KDM5A: variants seen among roughly 807,000 people sequenced by gnomAD.
The protein encoded by KDM5A is lysine-specific demethylase 5A.
Under a neutral mutation model 193.5 loss-of-function variants are expected in KDM5A, and 42 were observed. The observed-to-expected ratio is 0.22, with a 90% CI of 0.17 to 0.28. The LOEUF (loss-of-function observed/expected upper bound fraction) is 0.28, where lower values mean the gene tolerates loss of function less well. Ranked by LOEUF, KDM5A falls within the 10% of genes least tolerant of loss-of-function variation. The pLI is 1.00. For synonymous variants in KDM5A, 796 were observed against 718.1 expected (o/e 1.11, Z -1.73); for missense variants, 1,692 against 2,055.1 (o/e 0.82, Z 3.42).
At chr12:311,135 C>A in intron 20 of KDM5A, 71 bp from the exon 21 acceptor site, 1 of 1,383,144 alleles carries the variant, frequency 7.2e-7, no homozygotes, top group South Asian at 1.2e-5. Flanking sequence ...GTTGAAAGAC[C>A]TTACAAAGTT....
At position 308,014 on chromosome 12, in the gene KDM5A, G is replaced by A; in HGVS notation, c.3379-9C>T. 1 of 1,613,270 alleles carries A rather than the reference G, an allele frequency of 6.2e-7. No homozygotes were observed. Among genetic ancestry groups the A allele is most frequent in the East Asian group, 2.2e-5 (1 of 44,890 alleles). On this transcript the variant is annotated splice_polypyrimidine_tract_variant and intron_variant, in intron 22 of 27. Coordinates refer to ENST00000399788, the MANE Select transcript of KDM5A (RefSeq NM_001042603.3). ...TCTTTGAAAACTGCCACCTGTACAAGACAAACATTTAATTGAAAAGAGTCA... is the reference window on the plus strand; with the variant it reads ...TCTTTGAAAACTGCCACCTGTACAAAACAAACATTTAATTGAAAAGAGTCA...
At chr12:328,425 G>T (rs16929744) in intron 14 of KDM5A, among the ~76,000 whole-genome samples, 53,491 of 151,958 alleles carry the variant, frequency 0.35, 10,096 homozygotes, top group East Asian at 0.58. Flanking sequence ...CTTGGGGTTA[G>T]TCCATCCTTC....
At chr12:323,061 T>C (rs371422272) in intron 16 of KDM5A, 21 bp downstream of exon 16, 3 of 1,613,308 alleles carry the variant, frequency 1.9e-6, no homozygotes, top group African/African-American at 1.3e-5. Flanking sequence ...AGTATATGCA[T>C]ACAAAAGAAG....
intron 2 of KDM5A, among the ~76,000 whole-genome samples, chr12:385,507 C>T (rs1206981169): frequency 6.6e-6 from 1 of 151,884 alleles, no homozygotes; most frequent in South Asian, 2.1e-4. Flanking sequence ...AAAACCAAAA[C>T]CAAAACCAAA....
intron 24 of KDM5A, among the ~76,000 whole-genome samples, chr12:301,145 A>C (rs1943435985): frequency 6.6e-6 from 1 of 152,214 alleles, no homozygotes; most frequent in Non-Finnish European, 1.5e-5. Flanking sequence ...TCCAAACAAC[A>C]GAAAAAGAGG....
At chr12:324,026 G>C (rs1005009010) in intron 14 of KDM5A, among the ~76,000 whole-genome samples, 1 of 152,150 alleles carries the variant, frequency 6.6e-6, no homozygotes, top group African/African-American at 2.4e-5. Context: ...AGAAACATGG[G>C]CTGGGTGCAG....
At position 378,914 on chromosome 12, in the gene KDM5A, G is replaced by GTGC. The variant is rs576093392; in HGVS notation, c.366+5114_366+5116dup. Among the ~76,000 whole-genome samples, 282 of 149,094 alleles carry GTGC rather than the reference G, an allele frequency of 1.9e-3. 3 individuals are homozygous for GTGC. Among genetic ancestry groups the GTGC allele is most frequent in the African/African-American group, 6.9e-3 (277 of 40,170 alleles). On this transcript the variant is annotated intron_variant, in intron 3 of 27. Transcript: ENST00000399788. ...GCGGAGCTTAGAGTGAGCCAAAATCGTGCTGCTGCACTCCAGCCTGGGTGA... is the reference window on the plus strand; with the variant it reads ...GCGGAGCTTAGAGTGAGCCAAAATCGTGCTGCTGCTGCACTCCAGCCTGGGTGA...
At chr12:340,716 A>AAAAAAC (rs1943994442) in intron 10 of KDM5A, among the ~76,000 whole-genome samples, 2 of 150,542 alleles carry the variant, frequency 1.3e-5, no homozygotes, top group Admixed American at 6.6e-5. Flanking sequence ...AAAAAAAAAA[A>AAAAAAC]AAACCATTAG....
intron 22 of KDM5A, among the ~76,000 whole-genome samples, chr12:308,538 T>C (rs16929357): frequency 0.014 from 2,059 of 152,320 alleles, 49 homozygotes; most frequent in African/African-American, 0.046. Flanking sequence ...CCTCTTCATG[T>C]ATAAGTAGAA....
intron 27 of KDM5A, among the ~76,000 whole-genome samples, chr12:291,592 A>G (rs1943294848): frequency 6.6e-6 from 1 of 152,236 alleles, no homozygotes; most frequent in South Asian, 2.1e-4. Flanking sequence ...TATTTCATTG[A>G]AAAAGTGAGG....
chr12:350,839 C>T lies in KDM5A; in HGVS notation c.1150-60G>A. The T allele has an allele frequency of 2.1e-6, 3 of 1,419,178 alleles. No individual in the cohort carries two copies. In the East Asian group the frequency reaches 6.8e-5, roughly 32 times the overall value. 87.9% of individuals were successfully genotyped at this position (1,419,178 alleles called of 1,614,324 possible). The stretch of plus-strand genomic sequence containing the variant: ...ACCACTATAACTATAACCCATATAA[C>T]ATAATACACAGGATCAAGTAAACAC... On this transcript the variant is annotated intron_variant, in intron 9 of 27. Transcript: ENST00000399788.
intron 27 of KDM5A, chr12:286,278 G>T (rs1565521265): frequency 8.8e-6 from 4 of 452,112 alleles, no homozygotes; most frequent in Admixed American, 7.9e-5. Context: ...AAAGACACAG[G>T]TCAATAGATC....
At chr12:375,339 T>C (rs1351241531) in intron 3 of KDM5A, among the ~76,000 whole-genome samples, 1 of 152,244 alleles carries the variant, frequency 6.6e-6, no homozygotes, top group Non-Finnish European at 1.5e-5. Flanking sequence ...CAATCACTGA[T>C]ACCCTTTCTT....
rs564453092 is a variant in KDM5A at position 318,261 on chromosome 12, C to T, written c.2742G>A (p.Pro914=). 1.7e-5 allele frequency: 27 copies of T among 1,614,156 alleles called. 1 individual carries two copies. Among genetic ancestry groups the T allele is most frequent in the South Asian group, 1.3e-4 (12 of 91,078 alleles). ...TCATGACATCCAAAGTGACTTGTTG[C>T]GGATCTGATAAGGTCAGTCTTACTT... ...LDEVRLTLSD[P]QQVTLDVMKK... is the part of the protein sequence containing the mutation. Residue 914 remains proline, a synonymous_variant, in exon 19 of 28, where the codon CCG becomes CCA. Transcript: ENST00000399788.
chr12:339,100 C>T (rs1423797000), intron 10 of KDM5A, among the ~76,000 whole-genome samples: 1 of 151,444 alleles, frequency 6.6e-6, no homozygotes, highest in Non-Finnish European at 1.5e-5. Context: ...AACGCCTGAA[C>T]CCGGGAGGCA....
chr12:346,777 G>C (rs1457130450), intron 10 of KDM5A, among the ~76,000 whole-genome samples: 1 of 152,092 alleles, frequency 6.6e-6, no homozygotes, highest in Non-Finnish European at 1.5e-5. Context: ...AAAATAATAA[G>C]AGCTATTTAT....
chr12:305,846 G>C (rs557677205), intron 24 of KDM5A, among the ~76,000 whole-genome samples: 3 of 152,130 alleles, frequency 2.0e-5, no homozygotes, highest in Non-Finnish European at 4.4e-5. Flanking sequence ...TGTTGTATCT[G>C]CAACTGGAAC....
At position 293,126 on chromosome 12, in the gene KDM5A, T is replaced by C. The variant is rs371611491; in HGVS notation, c.4499A>G (p.Asp1500Gly). ...EEKPLKVKGKDSSEKKRKRKL... is the reference protein window; with the variant it reads ...EEKPLKVKGKGSSEKKRKRKL... ...CCGTTTCCGTTTCTTCTCTGAAGAG[T>C]CCTTTCCTTTCACTTTTAGTGGTTT... Residue 1500 changes from aspartate (D) to glycine (G), a missense_variant, in exon 27 of 28, where the codon GAC becomes GGC. Asp to Gly is a moderately conservative substitution (Grantham distance 94). Transcript: ENST00000399788. 15 of 1,608,150 alleles carry C rather than the reference T, an allele frequency of 9.3e-6. No individual in the cohort carries two copies. Among genetic ancestry groups the C allele is most frequent in the Non-Finnish European group, 5.1e-6 (6 of 1,178,624 alleles).
At position 389,229 on chromosome 12, in the gene KDM5A, C is replaced by G. The variant is rs1278276773; in HGVS notation, c.-138G>C. The stretch of plus-strand genomic sequence containing the variant: ...GGACAAGAACCGTTCAACACAGAAA[C>G]CCCAGAATCGCTTCCTCCTCCCGTT... On this transcript the variant is annotated 5_prime_UTR_variant, in exon 1 of 28. Transcript: ENST00000399788. 1 of 845,566 alleles carries G rather than the reference C, an allele frequency of 1.2e-6. No individual in the cohort carries two copies. Among genetic ancestry groups the G allele is most frequent in the Non-Finnish European group, 2.0e-6 (1 of 497,780 alleles). 52.4% of individuals were successfully genotyped at this position (845,566 alleles called of 1,614,324 possible).
Sources: allele counts gnomAD v4.1 joint callset (sites outside exome capture counted in the v4.1 genomes callset), GRCh38; gene constraint gnomAD v4.1.1; transcripts MANE v1.5; gene names NCBI Gene and HGNC (gene_info 2026-07-23, HGNC 2026-07-21).